ALDH1A3: variants seen among roughly 807,000 people sequenced by gnomAD.
ALDH1A3 encodes the protein retinaldehyde dehydrogenase 3.
Under a neutral mutation model 57.5 loss-of-function variants are expected in ALDH1A3, and 28 were observed. The observed-to-expected ratio is 0.49, with a 90% CI of 0.36 to 0.67. The LOEUF is 0.67. Among genes scored for constraint, ALDH1A3 ranks in the 30% least tolerant of loss-of-function variants. The pLI, the probability that ALDH1A3 is intolerant of heterozygous loss-of-function variation, is 0.00. For missense variants in ALDH1A3, 507 were observed against 669.4 expected (o/e 0.76, Z 2.68); for synonymous variants, 281 against 264.8 (o/e 1.06, Z -0.59).
chr15:100,883,255 A>G (rs1478431117), intron 1 of ALDH1A3, among the ~76,000 whole-genome samples: 1 of 152,182 alleles, frequency 6.6e-6, no homozygotes, highest in Admixed American at 6.5e-5. Context: ...ATCTTTCTAC[A>G]AATGGGCCCC....
chr15:100,887,537 G>C lies in ALDH1A3; in HGVS notation c.205-35G>C, dbSNP rs2041608317. On this transcript the variant is annotated intron_variant, in intron 2 of 12. Coordinates refer to ENST00000329841, the MANE Select transcript of ALDH1A3 (RefSeq NM_000693.4). The surrounding 1 kb of genome is among the most constrained non-coding windows in gnomAD (Gnocchi z 4.6). ...CACCCAAACTGCAGTCACGTCAAAA[G>C]ATGACAGTCTCTCTCTGTTGTTCTG... 4.0e-6 allele frequency: 6 copies of C among 1,510,434 alleles called. No homozygotes were observed. Among genetic ancestry groups the C allele is most frequent in the Non-Finnish European group, 5.3e-6 (6 of 1,123,468 alleles). 93.6% of individuals were successfully genotyped at this position (1,510,434 alleles called of 1,614,324 possible). A position where few individuals can be genotyped will look rare whatever the true frequency, so the allele number is the denominator to read the frequency against.
chr15:100,899,644 G>A (rs949602353), intron 8 of ALDH1A3, among the ~76,000 whole-genome samples: 3 of 152,220 alleles, frequency 2.0e-5, no homozygotes, highest in African/African-American at 7.2e-5. Flanking sequence ...TTATCTCGGA[G>A]GAGGGGCAGT....
chr15:100,886,226 T>C (rs1029171620), intron 2 of ALDH1A3, among the ~76,000 whole-genome samples: 3 of 152,216 alleles, frequency 2.0e-5, no homozygotes, highest in African/African-American at 7.2e-5. Context: ...CCCCTCTGTG[T>C]GGCACCTCAT....
intron 1 of ALDH1A3, 150 bp from the exon 2 acceptor site, chr15:100,885,117 G>C: frequency 1.6e-6 from 1 of 611,372 alleles, no homozygotes; most frequent in Non-Finnish European, 2.9e-6. Context: ...GTTCCCCTCC[G>C]GGTCTCATCT....
At position 100,893,013 on chromosome 15, in the gene ALDH1A3, A is replaced by G; in HGVS notation, c.537+7A>G. The G allele has an allele frequency of 6.2e-7, 1 of 1,613,214 alleles. No individual in the cohort carries two copies. Among genetic ancestry groups the G allele is most frequent in the Non-Finnish European group, 8.5e-7 (1 of 1,179,448 alleles). On this transcript the variant is annotated splice_region_variant and intron_variant, in intron 5 of 12. Transcript: ENST00000329841. The surrounding 1 kb of genome is among the most constrained non-coding windows in gnomAD (Gnocchi z 4.8). ...CTGTGGGGCCATCACTCCAGTAAGT[A>G]TGGCAGCCTTTCTCAGTAGATTCTA...
At chr15:100,898,751 A>G (rs1018654261) in intron 8 of ALDH1A3, among the ~76,000 whole-genome samples, 7 of 152,234 alleles carry the variant, frequency 4.6e-5, no homozygotes, top group Admixed American at 1.3e-4. Context: ...TGGGAAAGCA[A>G]CCTGCCCAGC....
chr15:100,914,602 C>A, intron 12 of ALDH1A3, 99 bp from the exon 13 acceptor site: 1 of 1,153,532 alleles, frequency 8.7e-7, no homozygotes, highest in Non-Finnish European at 1.2e-6. Flanking sequence ...TTGCATAAGC[C>A]TCCAACGGCC....
At position 100,900,865 on chromosome 15, in the gene ALDH1A3, C is replaced by G. The variant is rs918377768; in HGVS notation, c.1068+106C>G. The G allele has an allele frequency of 1.1e-5, 14 of 1,228,544 alleles. No homozygotes were observed. The African/African-American group carries it at 2.0e-4, about 17-fold the overall frequency. 76.1% of individuals were successfully genotyped at this position (1,228,544 alleles called of 1,614,324 possible). A position where few individuals can be genotyped will look rare whatever the true frequency, so the allele number is the denominator to read the frequency against. ...TCCCTCTCCGTGAAAGGAATGCTGA[C>G]CTGTCCTGCCCAGGAGGCTTTCTTT... On this transcript the variant is annotated intron_variant, in intron 9 of 12. Coordinates refer to ENST00000329841, the MANE Select transcript of ALDH1A3 (RefSeq NM_000693.4).
Position 100,915,091 on chromosome 15 carries a change from T to C in ALDH1A3, c.*318T>C. 1 of 299,824 alleles carries C rather than the reference T, an allele frequency of 3.3e-6. No homozygotes were observed. The highest frequency in any genetic ancestry group is 6.4e-6 in the Non-Finnish European group (1 of 155,690). 18.6% of individuals were successfully genotyped at this position (299,824 alleles called of 1,614,324 possible). A position where few individuals can be genotyped will look rare whatever the true frequency, so the allele number is the denominator to read the frequency against. On this transcript the variant is annotated 3_prime_UTR_variant, in exon 13 of 13. Coordinates refer to ENST00000329841, the MANE Select transcript of ALDH1A3 (RefSeq NM_000693.4). ...TGTTAACAGGGAGTGGTATTTGAAG[T>C]GTCCAGCAGTTGCTTGAAATGCTTT...
In ALDH1A3 at chr15:100,879,917, G is replaced by T. The variant is rs1257833180; in HGVS notation, c.10G>T (p.Ala4Ser). 1.4e-6 allele frequency: 2 copies of T among 1,457,760 alleles called. No homozygotes were observed. The highest frequency in any genetic ancestry group is 2.5e-5 in the Admixed American group (1 of 40,460). 90.3% of individuals were successfully genotyped at this position (1,457,760 alleles called of 1,614,324 possible). A position where few individuals can be genotyped will look rare whatever the true frequency, so the allele number is the denominator to read the frequency against. The change falls in exon 1 of 13, where the codon GCT becomes TCT. Residue 4 changes from alanine to serine, a missense_variant. Physicochemically the swap from Ala to Ser is moderately conservative, Grantham distance 99. Around this residue, in one of 2 missense-constraint regions of ALDH1A3, gnomAD observed 75 missense variants for 61.0 expected, o/e 1.23. Transcript: ENST00000329841. The part of the protein sequence containing the change: MAT[A>S]NGAVENGQPD... ...GGAGCGCGGAGGAGCCATGGCCACC[G>T]CTAACGGGGCCGTGGAAAACGGGCA...
chr15:100,889,129 CTT>C lies in ALDH1A3; in HGVS notation c.345+1418_345+1419del, dbSNP rs1019842608. The C allele has an allele frequency of 6.6e-6, 1 of 152,210 alleles. No individual in the cohort carries two copies. Among genetic ancestry groups the C allele is most frequent in the African/African-American group, 2.4e-5 (1 of 41,432 alleles). 9.4% of individuals were successfully genotyped at this position (152,210 alleles called of 1,614,324 possible). A position where few individuals can be genotyped will look rare whatever the true frequency, so the allele number is the denominator to read the frequency against. On this transcript the variant is annotated intron_variant, in intron 3 of 12. Transcript: ENST00000329841. This position sits in a 1 kb window ranked among gnomAD's most constrained non-coding sequence, Gnocchi z 5.1. ...ATCCTGTCCTTGCCCATCTCAGCCTCTTGTTTTTAAAAGTTGTTCCAAACCTT... is the reference window on the plus strand; with the variant it reads ...ATCCTGTCCTTGCCCATCTCAGCCTCGTTTTTAAAAGTTGTTCCAAACCTT...
intron 3 of ALDH1A3, among the ~76,000 whole-genome samples, chr15:100,891,067 A>G (rs2041644230): frequency 6.6e-6 from 1 of 152,172 alleles, no homozygotes; most frequent in Admixed American, 6.5e-5. Context: ...AGGATCGCCA[A>G]GCCCTTCTCT....
In ALDH1A3 at chr15:100,914,812, G is replaced by A. The variant is rs749809482; in HGVS notation, c.*39G>A. 8 of 1,590,558 alleles carry A rather than the reference G, an allele frequency of 5.0e-6. No individual in the cohort carries two copies. The highest frequency in any genetic ancestry group is 6.9e-6 in the Non-Finnish European group (8 of 1,159,998). ...CTCCTTCCTCAAACATCGGACGGCG[G>A]AATGTGGCAGATGAAATGTGCTGGA... On this transcript the variant is annotated 3_prime_UTR_variant, in exon 13 of 13. Transcript: ENST00000329841.
rs146946424 is a variant in ALDH1A3, at chr15:100,912,248, A to G, written c.1467-2453A>G. ...TAAAATTGAGTAATCTGCCACATGA[A>G]AAATGGGCTCACCACTGTTTTGGTT... is the stretch of plus-strand genomic sequence containing the variant. On this transcript the variant is annotated intron_variant, in intron 12 of 12. Transcript: ENST00000329841. 5.3e-4 allele frequency among the ~76,000 whole-genome samples: 81 copies of G among 152,372 alleles called. 1 individual carries two copies. Among genetic ancestry groups the G allele is most frequent in the Middle Eastern group, 6.8e-3 (2 of 294 alleles).
chr15:100,912,246 G>A (rs1426112007), intron 12 of ALDH1A3, among the ~76,000 whole-genome samples: 2 of 152,216 alleles, frequency 1.3e-5, no homozygotes, highest in African/African-American at 4.8e-5. Flanking sequence ...TCTGCCACAT[G>A]AAAAATGGGC....
chr15:100,909,145 G>T lies in ALDH1A3; in HGVS notation c.1466+663G>T, dbSNP rs142711875. 6.3e-4 allele frequency among the ~76,000 whole-genome samples: 69 copies of T among 109,838 alleles called. 1 individual carries two copies. Among genetic ancestry groups the T allele is most frequent in the Non-Finnish European group, 1.0e-3 (55 of 54,358 alleles). 72.1% of individuals were successfully genotyped at this position (109,838 alleles called of 152,430 possible). On this transcript the variant is annotated intron_variant, in intron 12 of 12. Coordinates refer to ENST00000329841, the MANE Select transcript of ALDH1A3 (RefSeq NM_000693.4). ...ACCCACTGCAAACCCCTCCACATGT[G>T]TGTGCAAACTCCTCAGTGTGTGAAC...
chr15:100,879,989 G>A lies in ALDH1A3; in HGVS notation c.82G>A (p.Glu28Lys), dbSNP rs1199364536. The change falls in exon 1 of 13, where the codon GAG becomes AAG. Residue 28 changes from glutamate to lysine, a missense_variant. By Grantham distance (56) the Glu-to-Lys change is moderately conservative (BLOSUM62 1). Coordinates refer to ENST00000329841, the MANE Select transcript of ALDH1A3 (RefSeq NM_000693.4). ...PALPRPIRNL[E>K]VKFTKIFINN... Reference sequence around the variant, plus strand: ...CCTGCCGCGCCCCATCCGCAACCTGGAGGTCAAGTTCACCAAGGTGAGGCG... The same window carrying A: ...CCTGCCGCGCCCCATCCGCAACCTGAAGGTCAAGTTCACCAAGGTGAGGCG... 6.8e-7 allele frequency: 1 copy of A among 1,472,136 alleles called. No homozygotes were observed. The highest frequency in any genetic ancestry group is 9.0e-7 in the Non-Finnish European group (1 of 1,109,360). 91.2% of individuals were successfully genotyped at this position (1,472,136 alleles called of 1,614,324 possible).
chr15:100,904,622 A>G (rs2033018453), intron 9 of ALDH1A3, among the ~76,000 whole-genome samples: 1 of 152,206 alleles, frequency 6.6e-6, no homozygotes, highest in Non-Finnish European at 1.5e-5. Flanking sequence ...CAAGATTCCC[A>G]TAGATTTCAG....
chr15:100,900,484 G>A, intron 8 of ALDH1A3, 91 bp from the exon 9 acceptor site: 3 of 1,199,570 alleles, frequency 2.5e-6, no homozygotes, highest in Admixed American at 2.3e-5. Flanking sequence ...TCTTGTGTGG[G>A]CAATTAGAAT....
Sources: gnomAD v4.1 joint callset for allele counts (sites outside exome capture counted in the v4.1 genomes callset) on GRCh38, gnomAD v4.1.1 for gene constraint, gnomAD v4.1.1 regional missense constraint, Gnocchi (gnomAD v3.1) non-coding constraint, MANE v1.5 for transcripts, NCBI Gene and HGNC (gene_info 2026-07-23, HGNC 2026-07-21) for gene names.